CREM: variants seen among roughly 807,000 people sequenced by gnomAD.
CREM encodes the protein cAMP-responsive element modulator.
In CREM, 13 loss-of-function variants were observed where a neutral mutation model predicts 37.3. The observed-to-expected ratio is 0.35, with a 90% CI of 0.23 to 0.55. The LOEUF is 0.55. CREM is among the 20% of genes least tolerant of loss of function. The probability of loss-of-function intolerance (pLI) is 0.88; values close to 1 mark genes in which losing one functional copy is unlikely to be tolerated. For synonymous variants in CREM, 124 were observed against 120.2 expected (o/e 1.03, Z -0.21); for missense variants, 296 against 362.3 (o/e 0.82, Z 1.49).
At chr10:35,177,933 G>T (rs1396672965) in intron 3 of CREM, among the ~76,000 whole-genome samples, 1 of 152,184 alleles carries the variant, frequency 6.6e-6, no homozygotes, top group Non-Finnish European at 1.5e-5. Flanking sequence ...TTGGGTGTGT[G>T]TGCTTATGTG....
At chr10:35,128,408 A>G (rs1401979685) in intron 1 of CREM, among the ~76,000 whole-genome samples, 1 of 152,118 alleles carries the variant, frequency 6.6e-6, no homozygotes, top group Non-Finnish European at 1.5e-5. Flanking sequence ...ACAAAGATCT[A>G]GATTGAACAG....
chr10:35,163,530 A>G (rs2093395000), intron 3 of CREM, among the ~76,000 whole-genome samples: 1 of 152,124 alleles, frequency 6.6e-6, no homozygotes, highest in Non-Finnish European at 1.5e-5. Context: ...TGAAAAATTA[A>G]AAACTTAGGC....
rs779463313 is a variant in CREM, at chr10:35,196,137, C to T, written c.598+7749C>T. 4 of 1,609,820 alleles carry T rather than the reference C, an allele frequency of 2.5e-6. No individual in the cohort carries two copies. The South Asian group carries it at 3.3e-5, about 13-fold the overall frequency. ...CTCCTACTGAGGCCGTCCCTGCATG[C>T]GCCTGGTGAGAAATGGATTATGTAT... is the stretch of plus-strand genomic sequence containing the variant. On this transcript the variant is annotated intron_variant, in intron 6 of 7. Transcript: ENST00000685392.
chr10:35,176,117 GA>G, intron 3 of CREM: 3 of 1,362,300 alleles, frequency 2.2e-6, no homozygotes, highest in Non-Finnish European at 2.9e-6. Flanking sequence ...CTTTTTATTA[GA>G]TATTTGGAGG....
intron 2 of CREM, among the ~76,000 whole-genome samples, chr10:35,146,244 GA>G (rs2092098952): frequency 6.6e-6 from 1 of 152,220 alleles, no homozygotes; most frequent in South Asian, 2.1e-4. Context: ...AATAGCACAA[GA>G]CAACATTTCC....
At chr10:35,191,275 T>C (rs2094908362) in intron 6 of CREM, among the ~76,000 whole-genome samples, 1 of 152,156 alleles carries the variant, frequency 6.6e-6, no homozygotes, top group Admixed American at 6.5e-5. Flanking sequence ...ATACGGATTA[T>C]TTTAAGTCGA....
At chr10:35,159,690 G>A (rs2093167857) in intron 3 of CREM, among the ~76,000 whole-genome samples, 1 of 152,090 alleles carries the variant, frequency 6.6e-6, no homozygotes, top group African/African-American at 2.4e-5. Flanking sequence ...TAAAAGCACA[G>A]GCAACAAAAG....
intron 3 of CREM, among the ~76,000 whole-genome samples, chr10:35,153,855 C>T (rs1317257553): frequency 6.6e-6 from 1 of 152,174 alleles, no homozygotes; most frequent in Non-Finnish European, 1.5e-5. Flanking sequence ...TGATATAACA[C>T]TTAACCTCTC....
chr10:35,134,175 T>G (rs1275573849), intron 1 of CREM, among the ~76,000 whole-genome samples: 1 of 151,482 alleles, frequency 6.6e-6, no homozygotes. Flanking sequence ...GCCTCCAGAG[T>G]AGCTGGGATT....
At chr10:35,175,439 C>T in intron 3 of CREM, 4 of 436,324 alleles carry the variant, frequency 9.2e-6, no homozygotes, top group Non-Finnish European at 1.7e-5. Flanking sequence ...GAGCAAGACT[C>T]CGTCTCAAAA....
chr10:35,128,806 T>A (rs1290234464), intron 1 of CREM, among the ~76,000 whole-genome samples: 1 of 152,246 alleles, frequency 6.6e-6, no homozygotes, highest in East Asian at 1.9e-4. Flanking sequence ...ATTACAGGCA[T>A]GAGCCACCGC....
intron 5 of CREM, among the ~76,000 whole-genome samples, chr10:35,187,160 A>AT (rs2094655611): frequency 1.7e-5 from 1 of 60,452 alleles, no homozygotes; most frequent in African/African-American, 5.8e-5. Context: ...TATATAATAT[A>AT]TATTATATAT....
At chr10:35,140,270 A>C (rs1455469693) in intron 2 of CREM, among the ~76,000 whole-genome samples, 1 of 152,204 alleles carries the variant, frequency 6.6e-6, no homozygotes, top group African/African-American at 2.4e-5. Flanking sequence ...AAGAGAAAGC[A>C]TATCTGAGTG....
intron 3 of CREM, among the ~76,000 whole-genome samples, chr10:35,159,854 C>CA (rs1219026691): frequency 1.3e-5 from 2 of 152,170 alleles, no homozygotes; most frequent in Admixed American, 6.6e-5. Flanking sequence ...CAGAAGGACT[C>CA]AAACAACTCA....
At chr10:35,138,465 T>C (rs545461051) in intron 2 of CREM, among the ~76,000 whole-genome samples, 1 of 152,140 alleles carries the variant, frequency 6.6e-6, no homozygotes, top group South Asian at 2.1e-4. Context: ...TTTTCAAGGG[T>C]AGTGCACTTC....
chr10:35,148,500 T>C lies in CREM; in HGVS notation c.168+9T>C. 6.2e-7 allele frequency: 1 copy of C among 1,608,028 alleles called. No homozygotes were observed. On this transcript the variant is annotated intron_variant, in intron 3 of 7. Transcript: ENST00000685392. ...TCCCTGCTTTAGCTCAGGTAGGCAA[T>C]AGGCAGGCACCGTTGAAAGTCAAAA...
chr10:35,170,551 G>A (rs938912091), intron 3 of CREM, among the ~76,000 whole-genome samples: 3 of 152,090 alleles, frequency 2.0e-5, no homozygotes, highest in East Asian at 3.9e-4. Context: ...TGGTTGGTAG[G>A]CTATTAATTA....
chr10:35,174,259 A>G (rs1034963820), intron 3 of CREM, among the ~76,000 whole-genome samples: 1 of 152,110 alleles, frequency 6.6e-6, no homozygotes, highest in African/African-American at 2.4e-5. Flanking sequence ...GCCCATACTG[A>G]TCTTTCTATT....
At chr10:35,154,130 G>T in intron 3 of CREM, 1 of 398,508 alleles carries the variant, frequency 2.5e-6, no homozygotes, top group South Asian at 1.3e-4. Flanking sequence ...AAGTAGGAAC[G>T]ATTTAACAAG....
Sources: allele counts gnomAD v4.1 joint callset (sites outside exome capture counted in the v4.1 genomes callset), GRCh38; gene constraint gnomAD v4.1.1; transcripts MANE v1.5; gene names NCBI Gene and HGNC (gene_info 2026-07-23, HGNC 2026-07-21).